Variants in TBCD observed in about 807,000 individuals in gnomAD.
TBCD encodes the protein tubulin-specific chaperone D.
A neutral mutation model predicts 169.3 loss-of-function variants in TBCD; 105 were observed. The observed-to-expected ratio is 0.62, with a 90% CI of 0.53 to 0.73. The LOEUF (loss-of-function observed/expected upper bound fraction) is 0.73, where lower values mean the gene tolerates loss of function less well. Among genes scored for constraint, TBCD ranks in the 30% least tolerant of loss-of-function variants. TBCD has a pLI of 0.00. For missense variants in TBCD, 1,444 were observed against 1,600.1 expected (o/e 0.90, Z 1.66); for synonymous variants, 700 against 643.9 (o/e 1.09, Z -1.32).
rs2060356038 is a variant in TBCD, at chr17:82,907,837, C to A, written c.1983+16C>A. ...TCACCAGCAGGTTTGTGTGCAGCCT[C>A]TGGGTGTACCCTCAGGAGGCATCAC... On this transcript the variant is annotated intron_variant, in intron 21 of 38. Coordinates refer to ENST00000355528, the MANE Select transcript of TBCD (RefSeq NM_005993.5). 6.2e-7 allele frequency: 1 copy of A among 1,612,404 alleles called. No individual in the cohort carries two copies.
rs1451946152 is a variant in TBCD, at chr17:82,923,775, A to T, written c.2260+42A>T. 6.6e-7 allele frequency: 1 copy of T among 1,510,774 alleles called. No individual in the cohort carries two copies. Among genetic ancestry groups the T allele is most frequent in the South Asian group, 1.2e-5 (1 of 83,008 alleles). 93.6% of individuals were successfully genotyped at this position (1,510,774 alleles called of 1,614,324 possible). On this transcript the variant is annotated intron_variant, in intron 26 of 38. Transcript: ENST00000355528. The surrounding 1 kb of genome is among the most constrained non-coding windows in gnomAD (Gnocchi z 4.6). ...TTTCTTGAAGACTCCAGGGGCTTCC[A>T]GCAGGAAGCTGCTGGGGAGTGTCTG...
chr17:82,875,763 G>T (rs1274786092), intron 14 of TBCD, among the ~76,000 whole-genome samples: 1 of 152,224 alleles, frequency 6.6e-6, no homozygotes, highest in African/African-American at 2.4e-5. Flanking sequence ...AAGACAACAC[G>T]TGTTTTTCAA....
chr17:82,823,001 G>C (rs1274840077), intron 13 of TBCD, among the ~76,000 whole-genome samples: 2 of 152,230 alleles, frequency 1.3e-5, no homozygotes. Context: ...GGCTCCTTCA[G>C]AAGGGATATT....
intron 18 of TBCD, among the ~76,000 whole-genome samples, chr17:82,901,460 C>T (rs2059886990): frequency 6.7e-6 from 1 of 148,214 alleles, no homozygotes; most frequent in Non-Finnish European, 1.5e-5. Flanking sequence ...TTGCTGCTGC[C>T]TGGGGAGCGG....
chr17:82,898,131 GGT>G (rs2146575129), intron 17 of TBCD, among the ~76,000 whole-genome samples: 1 of 139,014 alleles, frequency 7.2e-6, no homozygotes, highest in South Asian at 2.3e-4. Flanking sequence ...CTGGTTTTCT[GGT>G]TTTCGTGAGC....
At chr17:82,753,007 G>C (rs959675636) in intron 1 of TBCD, among the ~76,000 whole-genome samples, 3 of 152,154 alleles carry the variant, frequency 2.0e-5, no homozygotes, top group African/African-American at 7.2e-5. Context: ...CATTCGATGA[G>C]TCTAAATTCT....
In TBCD at chr17:82,832,133, T is replaced by C. The variant is rs1010117278; in HGVS notation, c.1318+17199T>C. ...TCCAGGTTTTCCTTGATGTCTTCCC[T>C]GGCAGAGCTGTGCTGAAGCTTCGAG... On this transcript the variant is annotated intron_variant, in intron 13 of 38. Transcript: ENST00000355528. The surrounding 1 kb of genome is among the most constrained non-coding windows in gnomAD (Gnocchi z 4.9). The C allele has an allele frequency of 6.2e-7, 1 of 1,614,086 alleles. No homozygotes were observed. The highest frequency in any genetic ancestry group is 1.3e-5 in the African/African-American group (1 of 74,932).
At chr17:82,887,166 T>TGCGCGC (rs1164086857) in intron 15 of TBCD, among the ~76,000 whole-genome samples, 2 of 109,040 alleles carry the variant, frequency 1.8e-5, no homozygotes, top group African/African-American at 3.5e-5. Context: ...TGTGTGTGTG[T>TGCGCGC]GTGCGCGCGC....
intron 22 of TBCD, among the ~76,000 whole-genome samples, chr17:82,910,749 A>G (rs1599468414): frequency 6.6e-6 from 1 of 152,016 alleles, no homozygotes; most frequent in East Asian, 1.9e-4. Flanking sequence ...TATTTTTAGG[A>G]GAGACGGGGT....
intron 13 of TBCD, chr17:82,838,542 A>G (rs1000874720): frequency 3.1e-5 from 19 of 616,818 alleles, no homozygotes; most frequent in South Asian, 2.9e-4. Flanking sequence ...TGTAATTACA[A>G]TATTGTGATG....
In TBCD at chr17:82,911,806, TTGCAGCCCTC is replaced by T. The variant is rs774919671; in HGVS notation, c.2038+27_2038+36del. The T allele has an allele frequency of 2.5e-6, 4 of 1,613,632 alleles. No homozygotes were observed. The highest frequency in any genetic ancestry group is 3.3e-5 in the Admixed American group (2 of 59,978). ...GACAAGCAGGTAAGTCTGAAGGCCT[TTGCAGCCCTC>T]TGCAGCCCTTTGCCGCAGCCATCGT... On this transcript the variant is annotated intron_variant, in intron 23 of 38. Coordinates refer to ENST00000355528, the MANE Select transcript of TBCD (RefSeq NM_005993.5).
intron 13 of TBCD, among the ~76,000 whole-genome samples, chr17:82,850,778 G>A (rs115694833): frequency 4.8e-4 from 73 of 152,368 alleles, no homozygotes; most frequent in African/African-American, 1.6e-3. Flanking sequence ...TATGGGGCTT[G>A]TGGTGAGTCT....
intron 11 of TBCD, among the ~76,000 whole-genome samples, chr17:82,808,301 G>A: frequency 6.6e-6 from 1 of 151,880 alleles, no homozygotes; most frequent in African/African-American, 2.4e-5. Context: ...GCAGGTGCAG[G>A]GGCCAGCAGG....
chr17:82,786,069 C>G (rs1226296638), intron 7 of TBCD, among the ~76,000 whole-genome samples: 1 of 152,080 alleles, frequency 6.6e-6, no homozygotes, highest in South Asian at 2.1e-4. Context: ...CCTTCATGAT[C>G]GTGTTCTGGG....
chr17:82,904,273 T>C (rs1053270060), intron 19 of TBCD, among the ~76,000 whole-genome samples: 18 of 147,006 alleles, frequency 1.2e-4, no homozygotes, highest in African/African-American at 4.6e-4. Flanking sequence ...GGTCTCTAGG[T>C]GGCTTCCATC....
chr17:82,903,402 C>A lies in TBCD; in HGVS notation c.1731-3C>A. ...ACTTACGACATTCTCTCCTCACTCTCAGGGTCATCCGAGAGTTGGCTGCGA... is the reference window on the plus strand; with the variant it reads ...ACTTACGACATTCTCTCCTCACTCTAAGGGTCATCCGAGAGTTGGCTGCGA... On this transcript the variant is annotated splice_polypyrimidine_tract_variant and splice_region_variant and intron_variant, in intron 18 of 38. Transcript: ENST00000355528. This position sits in a 1 kb window ranked among gnomAD's most constrained non-coding sequence, Gnocchi z 4.8. 6.2e-7 allele frequency: 1 copy of A among 1,600,620 alleles called. No homozygotes were observed. Among genetic ancestry groups the A allele is most frequent in the East Asian group, 2.3e-5 (1 of 44,362 alleles).
chr17:82,911,819 C>T, intron 23 of TBCD, 30 bp downstream of exon 23: 2 of 1,612,936 alleles, frequency 1.2e-6, no homozygotes, highest in Non-Finnish European at 1.7e-6. Flanking sequence ...CAGCCCTCTG[C>T]AGCCCTTTGC....
chr17:82,928,341 G>T (rs1280298691), intron 30 of TBCD, among the ~76,000 whole-genome samples: 1 of 152,208 alleles, frequency 6.6e-6, no homozygotes, highest in Non-Finnish European at 1.5e-5. Flanking sequence ...TGAACCTGGG[G>T]GTCTGCTCCT....
intron 13 of TBCD, among the ~76,000 whole-genome samples, chr17:82,815,224 G>A (rs2051782985): frequency 6.6e-6 from 1 of 152,234 alleles, no homozygotes; most frequent in Admixed American, 6.5e-5. Flanking sequence ...GAATTTTAAT[G>A]CCACAGATTA....
Sources: allele counts gnomAD v4.1 joint callset (sites outside exome capture counted in the v4.1 genomes callset), GRCh38; gene constraint gnomAD v4.1.1; non-coding constraint Gnocchi (gnomAD v3.1); transcripts MANE v1.5; gene names NCBI Gene and HGNC (gene_info 2026-07-23, HGNC 2026-07-21).